IGFL4: variants seen among roughly 807,000 people sequenced by gnomAD.
The protein encoded by IGFL4 is insulin growth factor-like family member 4.
In IGFL4, 12 loss-of-function variants were observed where a neutral mutation model predicts 15.4. The observed-to-expected ratio is 0.78, with a 90% CI of 0.50 to 1.26. The LOEUF (loss-of-function observed/expected upper bound fraction) is 1.26, where lower values mean the gene tolerates loss of function less well. Ranked by LOEUF, IGFL4 falls within the 50% of genes most tolerant of loss-of-function variation. The pLI is 0.00. For synonymous variants in IGFL4, 54 were observed against 55.9 expected (o/e 0.97, Z 0.16); for missense variants, 126 against 147.8 (o/e 0.85, Z 0.76).
intron 1 of IGFL4, among the ~76,000 whole-genome samples, chr19:46,074,169 G>A (rs1361032960): frequency 1.3e-5 from 2 of 151,710 alleles, no homozygotes; most frequent in African/African-American, 4.8e-5. Flanking sequence ...TTGGCTAGGG[G>A]GGTCTTAGTT....
intron 1 of IGFL4, among the ~76,000 whole-genome samples, chr19:46,066,625 C>T (rs1196516659): frequency 1.3e-5 from 2 of 152,158 alleles, no homozygotes; most frequent in African/African-American, 4.8e-5. Flanking sequence ...TGACCTGTTA[C>T]TCATGGCAGA....
At chr19:46,060,519 A>G (rs1444951226) in intron 1 of IGFL4, among the ~76,000 whole-genome samples, 2 of 152,232 alleles carry the variant, frequency 1.3e-5, no homozygotes. Context: ...AGAGTCCTAT[A>G]GCTGATTACA....
At chr19:46,051,252 A>G (rs1248217795) in intron 2 of IGFL4, among the ~76,000 whole-genome samples, 1 of 152,210 alleles carries the variant, frequency 6.6e-6, no homozygotes, top group East Asian at 1.9e-4. Flanking sequence ...CTATAAAACA[A>G]TAACACAATG....
chr19:46,074,710 T>C (rs947752897), intron 1 of IGFL4, among the ~76,000 whole-genome samples: 3 of 152,206 alleles, frequency 2.0e-5, no homozygotes, highest in African/African-American at 7.2e-5. Flanking sequence ...GGCAGCTGAT[T>C]AGATGGTGCC....
chr19:46,043,667 G>A (rs1969269354), upstream of IGFL4, among the ~76,000 whole-genome samples: 1 of 152,040 alleles, frequency 6.6e-6, no homozygotes, highest in African/African-American at 2.4e-5. Context: ...TTTTGACAAA[G>A]ATGCAAAAGC....
At chr19:46,069,972 T>A (rs1254352568) in intron 1 of IGFL4, among the ~76,000 whole-genome samples, 1 of 152,138 alleles carries the variant, frequency 6.6e-6, no homozygotes, top group Non-Finnish European at 1.5e-5. Flanking sequence ...ATGCACTGAC[T>A]CCAAACACTT....
rs1969218078 is a variant in IGFL4, at chr19:46,039,832, A to G, written c.*60T>C. 1 of 1,373,126 alleles carries G rather than the reference A, an allele frequency of 7.3e-7. No individual in the cohort carries two copies. The highest frequency in any genetic ancestry group is 1.4e-5 in the African/African-American group (1 of 69,834). 85.1% of individuals were successfully genotyped at this position (1,373,126 alleles called of 1,614,324 possible). Reference sequence around the variant, plus strand: ...GTCACAACAACAACAAAATCAATGCAGTATAATTACCAAGTATTAGATTCT... The same window carrying G: ...GTCACAACAACAACAAAATCAATGCGGTATAATTACCAAGTATTAGATTCT... On this transcript the variant is annotated 3_prime_UTR_variant, in exon 4 of 4. Transcript: ENST00000377697.
At chr19:46,076,607 A>C (rs1969598941) in intron 1 of IGFL4, among the ~76,000 whole-genome samples, 1 of 151,076 alleles carries the variant, frequency 6.6e-6, no homozygotes, top group East Asian at 1.9e-4. Context: ...GTTTAGGTCA[A>C]ATTGTATACA....
chr19:46,046,006 A>G (rs2146512484), intron 2 of IGFL4, among the ~76,000 whole-genome samples: 1 of 152,338 alleles, frequency 6.6e-6, no homozygotes, highest in South Asian at 2.1e-4. Flanking sequence ...TGTTAAGGGC[A>G]GCCAGAGAGA....
At chr19:46,044,378 C>G (rs984954161), upstream of IGFL4, among the ~76,000 whole-genome samples, 27 of 152,234 alleles carry the variant, frequency 1.8e-4, no homozygotes, top group Admixed American at 1.7e-3. Context: ...ATCCAGAGAA[C>G]CAAGCAGTGT....
intron 1 of IGFL4, among the ~76,000 whole-genome samples, chr19:46,074,374 ATATATG>A (rs1396829230): frequency 1.3e-5 from 2 of 151,894 alleles, no homozygotes; most frequent in Admixed American, 6.6e-5. Flanking sequence ...ATAAACTCCC[ATATATG>A]TATATGTATA....
At chr19:46,048,199 C>A (rs1969314231) in intron 2 of IGFL4, among the ~76,000 whole-genome samples, 1 of 152,202 alleles carries the variant, frequency 6.6e-6, no homozygotes, top group South Asian at 2.1e-4. Flanking sequence ...GCAGAAAAGG[C>A]TTTTGATAAA....
chr19:46,049,734 T>G (rs982442773), intron 2 of IGFL4, among the ~76,000 whole-genome samples: 3 of 152,156 alleles, frequency 2.0e-5, no homozygotes, highest in Non-Finnish European at 4.4e-5. Context: ...TCTATAGCCC[T>G]GCCCATCACC....
rs190536071 is a variant in IGFL4, at chr19:46,074,689, C to G, written c.-432+2331G>C. Among the ~76,000 whole-genome samples the G allele has an allele frequency of 1.5e-3, 232 of 152,300 alleles. 1 individual carries two copies. The highest frequency in any genetic ancestry group is 4.9e-3 in the African/African-American group (205 of 41,564). On this transcript the variant is annotated intron_variant, in intron 1 of 5. Coordinates refer to the IGFL4 transcript ENST00000601672. ...CACATTTTTCTGTCTGCTTTCTATT[C>G]TAGCCAAGCTGGCAGCTGATTAGAT...
Position 46,040,823 on chromosome 19 carries a change from G to A in IGFL4, c.19+121C>T, listed in dbSNP as rs1969235036. ...ATGCAGTCACAGATGACATAGCAGT[G>A]ATTATGAGGTGGGACACCAATAATT... On this transcript the variant is annotated intron_variant, in intron 1 of 3. Transcript: ENST00000377697. The surrounding 1 kb of genome is among the most constrained non-coding windows in gnomAD (Gnocchi z 4.1). The A allele has an allele frequency of 3.0e-6, 3 of 1,015,838 alleles. No homozygotes were observed. The highest frequency in any genetic ancestry group is 2.1e-4 in the Middle Eastern group (1 of 4,748). The allele number at this position is 1,015,838 out of a possible 1,614,324, so 62.9% of individuals were successfully genotyped here.
chr19:46,052,866 G>T (rs865819382), intron 2 of IGFL4, among the ~76,000 whole-genome samples: 27 of 120,530 alleles, frequency 2.2e-4, no homozygotes, highest in South Asian at 7.8e-4. Context: ...ATGTTATCTC[G>T]TTTTTTTTTT....
At chr19:46,041,841 T>C (rs1436308818), upstream of IGFL4, among the ~76,000 whole-genome samples, 35 of 147,028 alleles carry the variant, frequency 2.4e-4, no homozygotes, top group Admixed American at 6.1e-4. Context: ...CTCTCTCTTT[T>C]TTTTTTTTTT....
chr19:46,074,064 GC>G (rs1289029970), intron 1 of IGFL4, among the ~76,000 whole-genome samples: 1 of 152,016 alleles, frequency 6.6e-6, no homozygotes, highest in Admixed American at 6.5e-5. Context: ...AGCTACGATG[GC>G]CTGACTGAGC....
chr19:46,047,941 C>T (rs1969311815), intron 2 of IGFL4, among the ~76,000 whole-genome samples: 1 of 152,114 alleles, frequency 6.6e-6, no homozygotes, highest in Admixed American at 6.5e-5. Flanking sequence ...ATCCTGATAC[C>T]AAAACCTGGC....
Sources: allele counts gnomAD v4.1 joint callset (sites outside exome capture counted in the v4.1 genomes callset), GRCh38; gene constraint gnomAD v4.1.1; non-coding constraint Gnocchi (gnomAD v3.1); transcripts MANE v1.5; gene names NCBI Gene and HGNC (gene_info 2026-07-23, HGNC 2026-07-21).